The following MTAP variants were observed in gnomAD, a reference collection of about 807,000 sequenced individuals.
MTAP encodes the protein S-methyl-5'-thioadenosine phosphorylase.
A neutral mutation model predicts 33.6 loss-of-function variants in MTAP; 33 were observed. That is an observed-to-expected ratio of 0.98 (90% confidence interval 0.74 to 1.31). The LOEUF (loss-of-function observed/expected upper bound fraction) is 1.31. Among genes scored for constraint, MTAP ranks in the 40% most tolerant of loss-of-function variants. The probability of loss-of-function intolerance (pLI) is 0.00; values close to 1 mark genes in which losing one functional copy is unlikely to be tolerated. For synonymous variants in MTAP, 148 were observed against 125.7 expected (o/e 1.18, Z -1.19); for missense variants, 367 against 360.0 (o/e 1.02, Z -0.16).
intron 1 of MTAP, among the ~76,000 whole-genome samples, chr9:21,907,517 A>G (rs1587288838): frequency 6.6e-6 from 1 of 152,252 alleles, no homozygotes; most frequent in East Asian, 1.9e-4. Context: ...AGATAGCACC[A>G]CTGCACTGCA....
intron 1 of MTAP, among the ~76,000 whole-genome samples, chr9:21,874,698 T>C (rs1029752103): frequency 9.2e-5 from 14 of 151,628 alleles, no homozygotes; most frequent in African/African-American, 2.9e-4. Context: ...ATTTTTCTTT[T>C]TTTTTTTTTT....
intron 1 of MTAP, among the ~76,000 whole-genome samples, chr9:21,806,745 C>T (rs1413552905): frequency 6.6e-6 from 1 of 152,136 alleles, no homozygotes; most frequent in Non-Finnish European, 1.5e-5. Flanking sequence ...CAGCCAAGGG[C>T]AGGTGGTATT....
chr9:21,844,854 A>G (rs926417522), intron 5 of MTAP, among the ~76,000 whole-genome samples: 9 of 152,078 alleles, frequency 5.9e-5, no homozygotes, highest in Admixed American at 2.6e-4. Context: ...ACACGGTGAA[A>G]CCCCATCTCT....
chr9:21,815,289 G>A, intron 1 of MTAP, 144 bp from the exon 2 acceptor site: 3 of 561,698 alleles, frequency 5.3e-6, no homozygotes, highest in South Asian at 2.8e-5. Context: ...GTTGATTGAT[G>A]TTCAGTAATT....
At chr9:21,836,344 T>C (rs1825105585) in intron 4 of MTAP, among the ~76,000 whole-genome samples, 1 of 152,156 alleles carries the variant, frequency 6.6e-6, no homozygotes, top group South Asian at 2.1e-4. Flanking sequence ...AAGCTTAACT[T>C]AAATACATGT....
Sources: gnomAD v4.1 joint callset for allele counts (sites outside exome capture counted in the v4.1 genomes callset) on GRCh38, gnomAD v4.1.1 for gene constraint, MANE v1.5 for transcripts, NCBI Gene and HGNC (gene_info 2026-07-23, HGNC 2026-07-21) for gene names.